The following SLC4A5 variants were observed in gnomAD, a reference collection of about 807,000 sequenced individuals.
SLC4A5 encodes solute carrier family 4 member 5.
SLC4A5 carries 96 observed loss-of-function variants against 120.4 expected under a neutral mutation model. The ratio of observed to expected loss-of-function variants is 0.80; its 90% CI spans 0.68 to 0.94. SLC4A5 has a LOEUF of 0.94. Ranked by LOEUF, SLC4A5 falls within the 40% of genes least tolerant of loss-of-function variation. The probability of loss-of-function intolerance (pLI) is 0.00; values close to 1 mark genes in which losing one functional copy is unlikely to be tolerated. For synonymous variants in SLC4A5, 550 were observed against 571.1 expected (o/e 0.96, Z 0.53); for missense variants, 1,259 against 1,459.5 (o/e 0.86, Z 2.24).
intron 19 of SLC4A5, among the ~76,000 whole-genome samples, chr2:74,242,942 C>T (rs1414919282): frequency 6.6e-6 from 1 of 152,228 alleles, no homozygotes; most frequent in Admixed American, 6.5e-5. Flanking sequence ...GCATGAGTCA[C>T]TGCACCCAGC....
chr2:74,333,387 A>C (rs1673408973), intron 4 of SLC4A5, among the ~76,000 whole-genome samples: 1 of 152,200 alleles, frequency 6.6e-6, no homozygotes, highest in South Asian at 2.1e-4. Context: ...GAGGGAGCTA[A>C]AGATTCTTAG....
chr2:74,303,710 C>T (rs1277339204), intron 7 of SLC4A5, among the ~76,000 whole-genome samples: 1 of 152,174 alleles, frequency 6.6e-6, no homozygotes, highest in African/African-American at 2.4e-5. Flanking sequence ...AGGTGTCTTG[C>T]AAGCTACCGT....
At chr2:74,296,616 CAAAAAAAAAAAAA>C (rs1160532512) in intron 7 of SLC4A5, among the ~76,000 whole-genome samples, 1 of 47,486 alleles carries the variant, frequency 2.1e-5, no homozygotes, top group Non-Finnish European at 4.4e-5. Context: ...ACTAAAAATA[CAAAAAAAAAAAAA>C]AAAAAAAAAA....
intron 24 of SLC4A5, 87 bp from the exon 25 acceptor site, chr2:74,231,395 G>A (rs1334072980): frequency 1.6e-6 from 2 of 1,270,664 alleles, no homozygotes; most frequent in East Asian, 2.5e-5. Flanking sequence ...GGCACCTGAA[G>A]CTTGTGTCCA....
intron 7 of SLC4A5, among the ~76,000 whole-genome samples, chr2:74,297,235 A>T (rs1367197142): frequency 6.6e-6 from 1 of 152,196 alleles, no homozygotes; most frequent in Admixed American, 6.5e-5. Flanking sequence ...AATGTGTATA[A>T]AGTGAACCAA....
At chr2:74,228,116 C>T (rs1694914489) in intron 25 of SLC4A5, among the ~76,000 whole-genome samples, 1 of 152,156 alleles carries the variant, frequency 6.6e-6, no homozygotes, top group South Asian at 2.1e-4. Flanking sequence ...CTGGCCTGGC[C>T]CCTCACTGCA....
chr2:74,221,638 A>G (rs775505162), intron 29 of SLC4A5, 137 bp from the exon 30 acceptor site: 198 of 844,384 alleles, frequency 2.3e-4, no homozygotes, highest in Non-Finnish European at 3.5e-4. Context: ...GGGGCCTCAG[A>G]GATGTGTGGC....
exon 15 of SLC4A5, chr2:74,253,081 G>C: frequency 6.2e-7 from 1 of 1,614,120 alleles, no homozygotes; most frequent in Non-Finnish European, 8.5e-7. Flanking sequence ...CAATTCCTGC[G>C]ATCAGATCTT....
chr2:74,264,095 C>T (rs1558884894), intron 10 of SLC4A5, 52 bp downstream of exon 10: 2 of 1,581,112 alleles, frequency 1.3e-6, no homozygotes, highest in Admixed American at 1.8e-5. Flanking sequence ...GGTACCAGGG[C>T]CTGATACTGG....
chr2:74,321,514 G>A (rs1359945953), intron 5 of SLC4A5, among the ~76,000 whole-genome samples: 1 of 152,050 alleles, frequency 6.6e-6, no homozygotes, highest in Non-Finnish European at 1.5e-5. Context: ...CACAATATTT[G>A]GGATATACTT....
At chr2:74,224,813 T>C (rs180943938) in intron 28 of SLC4A5, 27 bp downstream of exon 28, 13 of 1,595,776 alleles carry the variant, frequency 8.1e-6, no homozygotes, top group South Asian at 1.1e-5. Context: ...ATTTCTCCTC[T>C]GTGCCCCGGC....
At chr2:74,229,489 T>C (rs1254067477) in intron 25 of SLC4A5, among the ~76,000 whole-genome samples, 6 of 149,926 alleles carry the variant, frequency 4.0e-5, no homozygotes, top group Non-Finnish European at 7.4e-5. Flanking sequence ...CTCCTGACCT[T>C]AGGTGATCCA....
chr2:74,227,925 C>G, intron 25 of SLC4A5, 47 bp from the exon 26 acceptor site: 1 of 1,448,332 alleles, frequency 6.9e-7, no homozygotes, highest in Non-Finnish European at 9.3e-7. Context: ...TGGGGCGGCC[C>G]TTGGCCACCC....
At chr2:74,306,556 A>G (rs1348633617) in intron 6 of SLC4A5, among the ~76,000 whole-genome samples, 2 of 152,130 alleles carry the variant, frequency 1.3e-5, no homozygotes, top group Non-Finnish European at 2.9e-5. Context: ...CTCTTACAGG[A>G]ATCATATATT....
intron 29 of SLC4A5, among the ~76,000 whole-genome samples, chr2:74,221,946 T>C (rs1694666071): frequency 6.6e-6 from 1 of 152,024 alleles, no homozygotes; most frequent in Non-Finnish European, 1.5e-5. Flanking sequence ...TGGCCACCTA[T>C]AGGGAGCTGA....
intron 18 of SLC4A5, 121 bp from the exon 19 acceptor site, chr2:74,247,428 CTG>C: frequency 9.9e-7 from 1 of 1,015,124 alleles, no homozygotes; most frequent in South Asian, 1.7e-5. Flanking sequence ...CTCCCAGGGA[CTG>C]TGAAAGACTG....
Position 74,248,577 on chromosome 2 carries a change from AG to A in SLC4A5, c.1654-92del, listed in dbSNP as rs1670693065. On this transcript the variant is annotated intron_variant, in intron 17 of 30. Transcript: ENST00000394019. ...GCCCCAGCGATCTCTCCACGGGCCC[AG>A]GCCACAGTGTTTATCCTTCGTTCTG... 2.0e-6 allele frequency: 3 copies of A among 1,465,174 alleles called. No homozygotes were observed. The African/African-American group carries it at 4.2e-5, about 21-fold the overall frequency. 90.8% of individuals were successfully genotyped at this position (1,465,174 alleles called of 1,614,324 possible).
intron 6 of SLC4A5, chr2:74,307,954 C>T: frequency 1.8e-6 from 1 of 541,624 alleles, no homozygotes; most frequent in Non-Finnish European, 3.6e-6. Context: ...GGTGGCTGGA[C>T]AGAGCCCAGG....
chr2:74,297,111 CTCCT>C (rs544564414), intron 7 of SLC4A5, among the ~76,000 whole-genome samples: 1 of 152,196 alleles, frequency 6.6e-6, no homozygotes, highest in Non-Finnish European at 1.5e-5. Context: ...ATTTTTCACA[CTCCT>C]TCCATCAGAA....
Sources: allele counts gnomAD v4.1 joint callset (sites outside exome capture counted in the v4.1 genomes callset), GRCh38; gene constraint gnomAD v4.1.1; transcripts MANE v1.5; gene names NCBI Gene and HGNC (gene_info 2026-07-23, HGNC 2026-07-21).